The following UACA variants were observed in gnomAD, a reference collection of about 807,000 sequenced individuals.
The protein encoded by UACA is uveal autoantigen with coiled-coil domains and ankyrin repeats.
Under a neutral mutation model 160.5 loss-of-function variants are expected in UACA, and 112 were observed. That is an observed-to-expected ratio of 0.70 (90% CI 0.60 to 0.82). The LOEUF (loss-of-function observed/expected upper bound fraction) is 0.82. Among genes scored for constraint, UACA ranks in the 40% least tolerant of loss-of-function variants. UACA has a pLI of 0.00. For synonymous variants in UACA, 557 were observed against 568.4 expected (o/e 0.98, Z 0.29); for missense variants, 1,574 against 1,614.6 (o/e 0.97, Z 0.43).
In UACA at chr15:70,695,105, G is replaced by T; in HGVS notation, c.213C>A (p.Val71=). ...TCCCCTTTGAGGTCACAACATGGAA[G>T]CTAAACAAAAAAAAAATATTTGTTG... ...PGKLDVEGRS[V]FHVVTSKGNL... The change falls in exon 3 of 19, where the codon GTC becomes GTA. Residue 71 remains valine (V), a splice_region_variant and synonymous_variant. Transcript: ENST00000322954. 6.3e-7 allele frequency: 1 copy of T among 1,582,036 alleles called. No individual in the cohort carries two copies. The highest frequency in any genetic ancestry group is 8.6e-7 in the Non-Finnish European group (1 of 1,165,778).
chr15:70,674,609 T>TC (rs1411571815), intron 13 of UACA, among the ~76,000 whole-genome samples: 2 of 152,142 alleles, frequency 1.3e-5, no homozygotes, highest in Non-Finnish European at 2.9e-5. Context: ...TCTTTTTTTT[T>TC]CTTCCCCTTG....
At chr15:70,678,045 T>C in intron 11 of UACA, 54 bp downstream of exon 11, 1 of 1,301,990 alleles carries the variant, frequency 7.7e-7, no homozygotes, top group South Asian at 1.4e-5. Flanking sequence ...TCATTAACAA[T>C]TTGCTATTGA....
chr15:70,758,421 G>A (rs985656944), intron 1 of UACA: 1 of 152,146 alleles, frequency 6.6e-6, no homozygotes, highest in African/African-American at 2.4e-5. Context: ...TGAGTAAACA[G>A]TGCTTAAGTA....
upstream of UACA, chr15:70,768,172 G>T (rs2031061251): frequency 6.6e-6 from 1 of 152,194 alleles, no homozygotes; most frequent in South Asian, 2.1e-4. Context: ...ATTTCAAGTG[G>T]TATCAATTCC....
chr15:70,674,670 T>C (rs1271851819), intron 13 of UACA, among the ~76,000 whole-genome samples: 1 of 152,154 alleles, frequency 6.6e-6, no homozygotes, highest in Non-Finnish European at 1.5e-5. Context: ...GTGATCTCAC[T>C]CATTGCAACC....
At chr15:70,665,326 G>C (rs891894388) in intron 16 of UACA, among the ~76,000 whole-genome samples, 1 of 152,208 alleles carries the variant, frequency 6.6e-6, no homozygotes, top group African/African-American at 2.4e-5. Context: ...GAAGTGCCTA[G>C]AAACATAGCA....
At chr15:70,777,778 G>C in the UACA span, among the ~76,000 whole-genome samples, 2,256 of 152,232 alleles carry the variant, frequency 0.015, 55 homozygotes, top group African/African-American at 0.051. Flanking sequence ...GAAAAGAACT[G>C]GAGACTACAT....
intron 18 of UACA, 71 bp from the exon 19 acceptor site, chr15:70,657,198 G>T: frequency 1.6e-6 from 2 of 1,263,364 alleles, no homozygotes; most frequent in Non-Finnish European, 2.3e-6. Context: ...TAAAGATAAA[G>T]CTTTTACAGA....
At chr15:70,694,940 T>C in intron 3 of UACA, 77 bp downstream of exon 3, 2 of 1,129,700 alleles carry the variant, frequency 1.8e-6, no homozygotes, top group East Asian at 2.6e-5. Context: ...CACATTTAGG[T>C]CTGAATAAAA....
At chr15:70,712,438 T>G (rs1473427292) in intron 1 of UACA, among the ~76,000 whole-genome samples, 2 of 152,164 alleles carry the variant, frequency 1.3e-5, no homozygotes, top group Non-Finnish European at 2.9e-5. Flanking sequence ...CCTTTCCTTG[T>G]GTTCTCCACA....
chr15:70,667,728 C>T lies in UACA; in HGVS notation c.2956G>A (p.Ala986Thr), dbSNP rs1187267933. Residue 986 changes from alanine to threonine, a missense_variant, in exon 16 of 19, where the codon GCC (alanine) becomes ACC (threonine). Ala to Thr is a moderately conservative substitution (Grantham distance 58, BLOSUM62 0). Transcript: ENST00000322954. ...TIQECIKVKY[A>T]PIVSFEECER... ...CACTCCTCAAAGCTGACAATTGGGG[C>T]GTATTTTACCTTAATGCATTCTTGT... The T allele has an allele frequency of 5.6e-6, 9 of 1,613,964 alleles. No individual in the cohort carries two copies. Among genetic ancestry groups the T allele is most frequent in the South Asian group, 4.4e-5 (4 of 91,060 alleles).
At chr15:70,752,009 G>C (rs185851837) in intron 1 of UACA, among the ~76,000 whole-genome samples, 85 of 152,216 alleles carry the variant, frequency 5.6e-4, no homozygotes, top group African/African-American at 2.0e-3. Context: ...GGCCGAGGCG[G>C]GCAGATCACC....
chr15:70,668,417 G>A lies in UACA; in HGVS notation c.2267C>T (p.Ser756Leu). 6.2e-7 allele frequency: 1 copy of A among 1,611,298 alleles called. No individual in the cohort carries two copies. Among genetic ancestry groups the A allele is most frequent in the Non-Finnish European group, 8.5e-7 (1 of 1,179,590 alleles). Residue 756 changes from serine to leucine, a missense_variant, in exon 16 of 19, where the codon TCA becomes TTA. Transcript: ENST00000322954. ...AAGATCATCAATAATTGCATCATGT[G>A]ACTTTTTCATGTCTTCACTTACTTT... ...PLKVSEDMKKSHDAIIDDLNR... is the reference protein window; with the variant it reads ...PLKVSEDMKKLHDAIIDDLNR...
At chr15:70,704,564 T>C (rs148203674) in intron 1 of UACA, among the ~76,000 whole-genome samples, 172 of 152,326 alleles carry the variant, frequency 1.1e-3, no homozygotes, top group African/African-American at 3.9e-3. Context: ...CTGCTGTATG[T>C]ATACTAGTAG....
intron 16 of UACA, among the ~76,000 whole-genome samples, chr15:70,665,295 G>A (rs145601242): frequency 9.9e-5 from 15 of 152,200 alleles, no homozygotes; most frequent in African/African-American, 3.1e-4. Flanking sequence ...AAAAAACAAG[G>A]AGGCTTGTTT....
chr15:70,743,078 TCC>T (rs1318235582), intron 1 of UACA, among the ~76,000 whole-genome samples: 1 of 152,096 alleles, frequency 6.6e-6, no homozygotes, highest in Non-Finnish European at 1.5e-5. Context: ...AGGACTGAGG[TCC>T]CCGTTTCTGA....
rs377192592 is a variant in UACA at position 70,745,389 on chromosome 15, C to T, written c.78+17941G>A. 4.0e-4 allele frequency among the ~76,000 whole-genome samples: 60 copies of T among 149,356 alleles called. No homozygotes were observed. In the South Asian group the frequency reaches 0.011, roughly 28 times the overall value. On this transcript the variant is annotated intron_variant, in intron 1 of 18. Coordinates refer to ENST00000322954, the MANE Select transcript of UACA (RefSeq NM_018003.4). ...GGCGGAGCTTGCAGTGAGCCGAGAT[C>T]GTGCGTGCCACTGCACTCCAGCCTG...
At chr15:70,698,122 G>A (rs564706599) in intron 2 of UACA, among the ~76,000 whole-genome samples, 1 of 152,172 alleles carries the variant, frequency 6.6e-6, no homozygotes, top group East Asian at 1.9e-4. Flanking sequence ...TCCTCAAATA[G>A]TTCAAAAACT....
At chr15:70,696,291 C>T (rs1036396266) in intron 2 of UACA, among the ~76,000 whole-genome samples, 2 of 152,130 alleles carry the variant, frequency 1.3e-5, no homozygotes, top group Non-Finnish European at 2.9e-5. Context: ...TCATTACTTT[C>T]TTTATAGTCT....
Sources: allele counts gnomAD v4.1 joint callset (sites outside exome capture counted in the v4.1 genomes callset), GRCh38; gene constraint gnomAD v4.1.1; transcripts MANE v1.5; gene names NCBI Gene and HGNC (gene_info 2026-07-23, HGNC 2026-07-21).